The following FBXL7 variants were observed in gnomAD, a reference collection of about 807,000 sequenced individuals.
FBXL7 encodes the protein F-box and leucine rich repeat protein 7, also known as F-box/LRR-repeat protein 7.
FBXL7 carries 12 observed loss-of-function variants against 38.3 expected under a neutral mutation model. The observed-to-expected ratio is 0.31, with a 90% CI of 0.20 to 0.51. The LOEUF is 0.51. FBXL7 is among the 20% of genes least tolerant of loss of function. The pLI is 0.98. For missense variants in FBXL7, 567 were observed against 676.4 expected, an observed-to-expected ratio of 0.84 and a Z score of 1.79; for synonymous variants, 297 against 300.9, an observed-to-expected ratio of 0.99 and a Z score of 0.13.
intron 2 of FBXL7, among the ~76,000 whole-genome samples, chr5:15,655,764 G>A (rs779034465): frequency 3.3e-5 from 5 of 152,128 alleles, no homozygotes; most frequent in Admixed American, 6.5e-5. Flanking sequence ...AGAGACTTAC[G>A]TGTCCATTAG....
At chr5:15,722,378 C>T (rs1744222444) in intron 2 of FBXL7, among the ~76,000 whole-genome samples, 1 of 152,126 alleles carries the variant, frequency 6.6e-6, no homozygotes, top group Non-Finnish European at 1.5e-5. Context: ...ACGTATATAC[C>T]TGGACATAAC....
intron 1 of FBXL7, among the ~76,000 whole-genome samples, chr5:15,556,508 T>C (rs553608963): frequency 1.4e-4 from 21 of 152,264 alleles, no homozygotes; most frequent in African/African-American, 5.1e-4. Flanking sequence ...TTACCAGTTA[T>C]CTGGGCGTCC....
chr5:15,904,039 ATAGT>A (rs1741297139), intron 2 of FBXL7, among the ~76,000 whole-genome samples: 1 of 152,178 alleles, frequency 6.6e-6, no homozygotes, highest in Non-Finnish European at 1.5e-5. Flanking sequence ...ATACCTTACA[ATAGT>A]TACTACATTT....
chr5:15,559,339 A>G (rs1209992411), intron 1 of FBXL7, among the ~76,000 whole-genome samples: 3 of 152,222 alleles, frequency 2.0e-5, no homozygotes, highest in Non-Finnish European at 4.4e-5. Flanking sequence ...GGAGCTCACA[A>G]TGAAAAATAA....
intron 2 of FBXL7, among the ~76,000 whole-genome samples, chr5:15,925,222 A>G (rs1164385633): frequency 6.6e-6 from 1 of 152,256 alleles, no homozygotes; most frequent in Non-Finnish European, 1.5e-5. Context: ...CACATTGGAA[A>G]AGATAAATTC....
chr5:15,646,197 A>G (rs1741529349), intron 2 of FBXL7, among the ~76,000 whole-genome samples: 1 of 152,226 alleles, frequency 6.6e-6, no homozygotes, highest in African/African-American at 2.4e-5. Flanking sequence ...AAAAATTATA[A>G]TAATAGTTAA....
chr5:15,584,101 T>A (rs1739233126), intron 1 of FBXL7, among the ~76,000 whole-genome samples: 1 of 151,888 alleles, frequency 6.6e-6, no homozygotes, highest in South Asian at 2.1e-4. Flanking sequence ...GGAGCTGGAG[T>A]GGCTGGGATG....
chr5:15,589,362 T>C lies in FBXL7; in HGVS notation c.38-26621T>C, dbSNP rs1739403411. ...CCCGGCTTTTCTCATGATAGTGAGT[T>C]CTTACAAGATCTGGTTGTTTAAAAG... On this transcript the variant is annotated intron_variant, in intron 1 of 3. Transcript: ENST00000504595. Among the ~76,000 whole-genome samples the C allele has an allele frequency of 3.3e-5, 5 of 152,264 alleles. No homozygotes were observed. The South Asian group carries it at 1.0e-3, about 32-fold the overall frequency.
intron 2 of FBXL7, among the ~76,000 whole-genome samples, chr5:15,775,370 C>T (rs1322639546): frequency 6.7e-6 from 1 of 149,456 alleles, no homozygotes; most frequent in Non-Finnish European, 1.5e-5. Flanking sequence ...ACTGTCTACT[C>T]CTACCCCACC....
chr5:15,571,092 TAAAA>T (rs397996852), intron 1 of FBXL7, among the ~76,000 whole-genome samples: 1 of 129,296 alleles, frequency 7.7e-6, no homozygotes, highest in Non-Finnish European at 1.6e-5. Context: ...ATTCTGTCTT[TAAAA>T]AAAAAAAAAA....
chr5:15,754,016 A>G (rs1579435314), intron 2 of FBXL7, among the ~76,000 whole-genome samples: 1 of 152,222 alleles, frequency 6.6e-6, no homozygotes, highest in East Asian at 1.9e-4. Flanking sequence ...GATTAATTCA[A>G]TCAGTGGTTC....
chr5:15,780,927 A>C (rs1348004054), intron 2 of FBXL7, among the ~76,000 whole-genome samples: 1 of 152,130 alleles, frequency 6.6e-6, no homozygotes, highest in Non-Finnish European at 1.5e-5. Flanking sequence ...AGAAGGCTCT[A>C]AAGAGGAGGA....
chr5:15,906,513 ATT>A (rs34465454), intron 2 of FBXL7, among the ~76,000 whole-genome samples: 93 of 134,400 alleles, frequency 6.9e-4, no homozygotes, highest in African/African-American at 2.3e-3. Context: ...TCCACAAAAA[ATT>A]TTTTTTTTTT....
chr5:15,760,162 CT>C (rs1180128858), intron 2 of FBXL7, among the ~76,000 whole-genome samples: 1 of 152,040 alleles, frequency 6.6e-6, no homozygotes, highest in Non-Finnish European at 1.5e-5. Flanking sequence ...CTCCAGCCCC[CT>C]ATTGGGGTAA....
At chr5:15,677,699 C>A (rs548766015) in intron 2 of FBXL7, among the ~76,000 whole-genome samples, 2 of 152,030 alleles carry the variant, frequency 1.3e-5, no homozygotes, top group African/African-American at 2.4e-5. Flanking sequence ...GAGTCAGAAA[C>A]AAAGTTTTTC....
At chr5:15,529,724 C>G (rs1348678341) in intron 1 of FBXL7, among the ~76,000 whole-genome samples, 1 of 152,170 alleles carries the variant, frequency 6.6e-6, no homozygotes, top group Non-Finnish European at 1.5e-5. Flanking sequence ...GGCATAGTTG[C>G]AAGAATATTA....
At chr5:15,877,961 C>G (rs1300544346) in intron 2 of FBXL7, among the ~76,000 whole-genome samples, 1 of 152,156 alleles carries the variant, frequency 6.6e-6, no homozygotes, top group African/African-American at 2.4e-5. Context: ...ACCTTCTAGC[C>G]TTACCAGACT....
At chr5:15,920,590 G>A (rs910546167) in intron 2 of FBXL7, among the ~76,000 whole-genome samples, 1 of 151,668 alleles carries the variant, frequency 6.6e-6, no homozygotes, top group African/African-American at 2.4e-5. Context: ...GCTCAATCTC[G>A]GCTCACTGCA....
intron 1 of FBXL7, among the ~76,000 whole-genome samples, chr5:15,586,010 G>A (rs1279498656): frequency 1.3e-5 from 2 of 152,232 alleles, no homozygotes; most frequent in African/African-American, 2.4e-5. Flanking sequence ...CCTGGAGCCA[G>A]TCTCCTTAGT....
Sources: allele counts gnomAD v4.1 joint callset (sites outside exome capture counted in the v4.1 genomes callset), GRCh38; gene constraint gnomAD v4.1.1; transcripts MANE v1.5; gene names NCBI Gene and HGNC (gene_info 2026-07-23, HGNC 2026-07-21).